The following BTBD16 variants were observed in gnomAD, a reference collection of about 807,000 sequenced individuals.
BTBD16 encodes the protein BTB/POZ domain-containing protein 16.
In BTBD16, 66 loss-of-function variants were observed where a neutral mutation model predicts 67.4. That is an observed-to-expected ratio of 0.98 (90% CI 0.80 to 1.20). The LOEUF (loss-of-function observed/expected upper bound fraction) is 1.20. Among genes scored for constraint, BTBD16 ranks in the 50% most tolerant of loss-of-function variants. BTBD16 has a pLI of 0.00. For synonymous variants in BTBD16, 242 were observed against 236.4 expected (o/e 1.02, Z -0.22); for missense variants, 634 against 616.0 (o/e 1.03, Z -0.31).
At chr10:122,336,455 G>A (rs776745752) in intron 14 of BTBD16, 39 bp from the exon 15 acceptor site, 13 of 1,543,276 alleles carry the variant, frequency 8.4e-6, no homozygotes, top group Middle Eastern at 1.7e-4. Flanking sequence ...GGGCCACCCC[G>A]ATTGCAGTTC....
At chr10:122,302,692 A>T (rs535169897) in intron 9 of BTBD16, among the ~76,000 whole-genome samples, 2 of 152,222 alleles carry the variant, frequency 1.3e-5, no homozygotes, top group Non-Finnish European at 2.9e-5. Context: ...CCTGAATCCA[A>T]TGCTTTTTTA....
rs2096457141 is a variant in BTBD16, at chr10:122,332,693, G to T, written c.1164+180G>T. The T allele has an allele frequency of 1.1e-5, 7 of 652,878 alleles. No individual in the cohort carries two copies. In the South Asian group the frequency reaches 4.8e-4, roughly 44 times the overall value. 40.4% of individuals were successfully genotyped at this position (652,878 alleles called of 1,614,324 possible). ...GCTCCCAGGAAATAAAATTCACAAG[G>T]GAGGGGCCTGGGGCGGGCCATTTAA... On this transcript the variant is annotated intron_variant, in intron 13 of 15. Coordinates refer to ENST00000260723, the MANE Select transcript of BTBD16 (RefSeq NM_144587.5).
intron 10 of BTBD16, among the ~76,000 whole-genome samples, chr10:122,319,240 G>A (rs57659424): frequency 0.022 from 3,322 of 152,236 alleles, 124 homozygotes; most frequent in African/African-American, 0.075. Context: ...GATGTTCAAT[G>A]TGTTGACTTT....
intron 10 of BTBD16, among the ~76,000 whole-genome samples, chr10:122,318,793 C>G (rs2096430687): frequency 6.6e-6 from 1 of 152,178 alleles, no homozygotes; most frequent in South Asian, 2.1e-4. Context: ...GCCATGGTGG[C>G]CAGGCTGGTC....
At chr10:122,293,820 C>T (rs1250811567) in intron 7 of BTBD16, among the ~76,000 whole-genome samples, 1 of 152,188 alleles carries the variant, frequency 6.6e-6, no homozygotes, top group Non-Finnish European at 1.5e-5. Flanking sequence ...AGGGTAGCTT[C>T]CATCTTGAAG....
intron 13 of BTBD16, chr10:122,332,875 G>A (rs2096457424): frequency 1.5e-5 from 15 of 985,242 alleles, no homozygotes; most frequent in African/African-American, 1.7e-5. Flanking sequence ...TTGCAAACTG[G>A]CTCAACAAGA....
At chr10:122,298,951 A>T (rs781203177) in intron 8 of BTBD16, 53 bp from the exon 9 acceptor site, 16 of 1,601,406 alleles carry the variant, frequency 1.0e-5, no homozygotes, top group Non-Finnish European at 1.3e-5. Flanking sequence ...AGGCCAGCAG[A>T]GGGTGCCAAG....
At chr10:122,286,318 T>A (rs2096363756) in intron 5 of BTBD16, 70 bp downstream of exon 5, 4 of 1,522,530 alleles carry the variant, frequency 2.6e-6, no homozygotes, top group Non-Finnish European at 2.6e-6. Flanking sequence ...GCTTGGAACA[T>A]GGTTATCTGT....
At chr10:122,286,511 A>C (rs576753816) in intron 5 of BTBD16, among the ~76,000 whole-genome samples, 2 of 152,296 alleles carry the variant, frequency 1.3e-5, no homozygotes, top group South Asian at 2.1e-4. Context: ...GCAAGCTCTC[A>C]GTACATGCCA....
intron 13 of BTBD16, among the ~76,000 whole-genome samples, chr10:122,334,194 C>CTTTTTT (rs71301565): frequency 2.1e-5 from 2 of 93,166 alleles, no homozygotes; most frequent in African/African-American, 4.0e-5. Context: ...GTCCTCTTGA[C>CTTTTTT]TTTTTTTTTT....
intron 10 of BTBD16, among the ~76,000 whole-genome samples, chr10:122,318,525 G>A (rs1156475273): frequency 6.6e-6 from 1 of 152,162 alleles, no homozygotes; most frequent in African/African-American, 2.4e-5. Context: ...AGGTAAAACA[G>A]TAGGTGTATG....
chr10:122,324,116 C>G (rs2096440187), intron 10 of BTBD16, among the ~76,000 whole-genome samples: 1 of 152,174 alleles, frequency 6.6e-6, no homozygotes, highest in South Asian at 2.1e-4. Context: ...TGTGCCCTAC[C>G]CAAATCTGAC....
chr10:122,337,978 C>A, intron 15 of BTBD16, 39 bp from the exon 16 acceptor site: 1 of 1,557,658 alleles, frequency 6.4e-7, no homozygotes, highest in South Asian at 1.1e-5. Context: ...TGTGTTCATC[C>A]TAAAAGTCAC....
At chr10:122,284,298 AACT>A (rs2096359036) in intron 4 of BTBD16, among the ~76,000 whole-genome samples, 1 of 152,066 alleles carries the variant, frequency 6.6e-6, no homozygotes, top group South Asian at 2.1e-4. Context: ...AAAATACAAA[AACT>A]AGCTAGTTGT....
At chr10:122,290,299 A>G (rs760883753) in intron 6 of BTBD16, among the ~76,000 whole-genome samples, 111 of 152,080 alleles carry the variant, frequency 7.3e-4, no homozygotes, top group Non-Finnish European at 1.5e-3. Flanking sequence ...CACAAAAGGA[A>G]TTGCTGCTTT....
intron 1 of BTBD16, 39 bp from the exon 2 acceptor site, chr10:122,275,001 A>G: frequency 6.9e-7 from 1 of 1,439,310 alleles, no homozygotes; most frequent in Non-Finnish European, 9.8e-7. Context: ...TATTTTGAAA[A>G]GTATGGAAAA....
chr10:122,324,322 G>A (rs530573466), intron 10 of BTBD16, among the ~76,000 whole-genome samples: 282 of 152,246 alleles, frequency 1.9e-3, no homozygotes, highest in Middle Eastern at 6.8e-3. Context: ...CCAAGGGACC[G>A]CAGGGGGAAA....
chr10:122,332,158 C>G (rs896248925), intron 12 of BTBD16: 1 of 370,388 alleles, frequency 2.7e-6, no homozygotes. Flanking sequence ...GTGATCATCT[C>G]TGCCCCATGC....
chr10:122,299,501 C>T (rs990617568), intron 9 of BTBD16, among the ~76,000 whole-genome samples: 1 of 152,028 alleles, frequency 6.6e-6, no homozygotes, highest in Non-Finnish European at 1.5e-5. Context: ...CTTACATCTC[C>T]GGCGCTGGCA....
Sources: allele counts gnomAD v4.1 joint callset (sites outside exome capture counted in the v4.1 genomes callset), GRCh38; gene constraint gnomAD v4.1.1; transcripts MANE v1.5; gene names NCBI Gene and HGNC (gene_info 2026-07-23, HGNC 2026-07-21).